The following MYO18B variants were observed in gnomAD, a reference collection of about 807,000 sequenced individuals.
MYO18B encodes the protein unconventional myosin-XVIIIb.
Under a neutral mutation model 273.0 loss-of-function variants are expected in MYO18B, and 204 were observed. That is an observed-to-expected ratio of 0.75 (90% CI 0.67 to 0.84). The LOEUF is 0.84. MYO18B is among the 40% of genes least tolerant of loss of function. The probability of loss-of-function intolerance (pLI) is 0.00; values close to 1 mark genes in which losing one functional copy is unlikely to be tolerated. For missense variants in MYO18B, 3,212 were observed against 3,287.6 expected, an observed-to-expected ratio of 0.98 and a Z score of 0.56; for synonymous variants, 1,330 against 1,305.7, an observed-to-expected ratio of 1.02 and a Z score of -0.40.
intron 34 of MYO18B, among the ~76,000 whole-genome samples, chr22:25,926,228 A>G (rs1371429883): frequency 6.6e-6 from 1 of 152,056 alleles, no homozygotes; most frequent in African/African-American, 2.4e-5. Context: ...AAAAAAAGAA[A>G]TTAGAACATG....
intron 34 of MYO18B, among the ~76,000 whole-genome samples, chr22:25,928,796 A>G (rs1430994511): frequency 6.6e-6 from 1 of 152,120 alleles, no homozygotes; most frequent in East Asian, 1.9e-4. Flanking sequence ...CGATAATCTC[A>G]GCTGATTGGG....
downstream of MYO18B, among the ~76,000 whole-genome samples, chr22:26,035,911 C>T (rs960112580): frequency 6.6e-6 from 1 of 152,220 alleles, no homozygotes; most frequent in Non-Finnish European, 1.5e-5. Flanking sequence ...GAGAAAGGAA[C>T]TCAGATAAGC....
chr22:25,789,752 C>T (rs1429271079), intron 11 of MYO18B, among the ~76,000 whole-genome samples: 4 of 152,162 alleles, frequency 2.6e-5, no homozygotes, highest in Non-Finnish European at 5.9e-5. Flanking sequence ...AAAACAAGCG[C>T]CATTCACCTC....
chr22:25,895,461 A>G, intron 28 of MYO18B, 181 bp downstream of exon 28: 2 of 670,938 alleles, frequency 3.0e-6, no homozygotes, highest in Admixed American at 3.0e-5. Flanking sequence ...CATGAAAAAT[A>G]TTGTCTGTAC....
rs116322411 is a variant in MYO18B at position 25,883,085 on chromosome 22, A to T, written c.4314+5037A>T. Among the ~76,000 whole-genome samples the T allele has an allele frequency of 0.01, 1,586 of 151,788 alleles. 28 individuals carry two copies. Among genetic ancestry groups the T allele is most frequent in the African/African-American group, 0.036 (1,497 of 41,372 alleles). ...CTGTTTTTTTTCAATTTTGGTAGAGATGGGGGTCTCACTTTGTTGCCCAGG... is the reference window on the plus strand; with the variant it reads ...CTGTTTTTTTTCAATTTTGGTAGAGTTGGGGGTCTCACTTTGTTGCCCAGG... On this transcript the variant is annotated intron_variant, in intron 25 of 43. Coordinates refer to ENST00000335473, the MANE Select transcript of MYO18B (RefSeq NM_032608.7). The surrounding 1 kb of genome is among the most constrained non-coding windows in gnomAD (Gnocchi z 7.6).
chr22:25,828,250 C>CT (rs1016402484), intron 14 of MYO18B, among the ~76,000 whole-genome samples: 3 of 152,118 alleles, frequency 2.0e-5, no homozygotes, highest in Admixed American at 2.0e-4. Context: ...CACATCCCCT[C>CT]TGTCACAGAG....
chr22:25,987,120 A>G (rs1420670039), intron 39 of MYO18B, among the ~76,000 whole-genome samples: 2 of 152,200 alleles, frequency 1.3e-5, no homozygotes, highest in Non-Finnish European at 2.9e-5. Flanking sequence ...AAGGTTTGAG[A>G]GGCAACCTCC....
chr22:26,025,202 C>G (rs2147008376), intron 42 of MYO18B, among the ~76,000 whole-genome samples: 1 of 152,304 alleles, frequency 6.6e-6, no homozygotes, highest in Admixed American at 6.5e-5. Context: ...TCTCCTACCC[C>G]AGCCATTCCC....
At chr22:25,956,357 G>A (rs1278914318) in intron 39 of MYO18B, among the ~76,000 whole-genome samples, 2 of 151,876 alleles carry the variant, frequency 1.3e-5, no homozygotes, top group East Asian at 3.9e-4. Flanking sequence ...CTGGGACTAC[G>A]GGCATGAGCC....
chr22:26,011,714 TGC>T (rs1158524324), intron 42 of MYO18B, among the ~76,000 whole-genome samples: 4 of 152,230 alleles, frequency 2.6e-5, no homozygotes, highest in Non-Finnish European at 1.5e-5. Context: ...AGTGATGCTG[TGC>T]TTTGAATTTA....
chr22:25,850,608 C>T (rs759562436), intron 20 of MYO18B, among the ~76,000 whole-genome samples: 10 of 152,108 alleles, frequency 6.6e-5, no homozygotes, highest in African/African-American at 9.7e-5. Flanking sequence ...GACAGTGTCT[C>T]GCTCTGTCAC....
At position 25,846,239 on chromosome 22, in the gene MYO18B, G is replaced by A. The variant is rs1011299030; in HGVS notation, c.3508G>A (p.Ala1170Thr). The A allele has an allele frequency of 5.6e-6, 9 of 1,612,254 alleles. No homozygotes were observed. The highest frequency in any genetic ancestry group is 5.9e-6 in the Non-Finnish European group (7 of 1,179,806). The change falls in exon 19 of 44, where the codon GCG becomes ACG. Residue 1170 changes from alanine (A) to threonine (T), a missense_variant. Coordinates refer to ENST00000335473, the MANE Select transcript of MYO18B (RefSeq NM_032608.7). ...VRRTFASSLA[A>T]VRRKAPCSQI... The stretch of plus-strand genomic sequence containing the variant: ...GAGGACCTTTGCCAGCAGCCTTGCC[G>A]CGGTGAGGAGGAAAGCCCCGTGCTC...
chr22:25,862,918 CTCT>C (rs2090779743), intron 21 of MYO18B, among the ~76,000 whole-genome samples: 1 of 151,778 alleles, frequency 6.6e-6, no homozygotes, highest in South Asian at 2.1e-4. Context: ...TGTCTTTCTC[CTCT>C]TCTTCTGAGA....
At chr22:25,784,720 G>A (rs146663866) in intron 10 of MYO18B, among the ~76,000 whole-genome samples, 102 of 152,290 alleles carry the variant, frequency 6.7e-4, no homozygotes, top group African/African-American at 2.4e-3. Flanking sequence ...GAAGGGGCAG[G>A]GGGCATAGCT....
intron 39 of MYO18B, among the ~76,000 whole-genome samples, chr22:25,956,969 C>A (rs754686430): frequency 6.6e-6 from 1 of 152,138 alleles, no homozygotes; most frequent in African/African-American, 2.4e-5. Flanking sequence ...AGTAAGGCAC[C>A]GCACAGAGAC....
intron 12 of MYO18B, among the ~76,000 whole-genome samples, chr22:25,817,230 TTCTCTCTTTC>T (rs1244576929): frequency 6.6e-6 from 1 of 151,798 alleles, no homozygotes; most frequent in Non-Finnish European, 1.5e-5. Flanking sequence ...CTTTCGTTCT[TTCTCTCTTTC>T]TCTCTCTTTC....
intron 39 of MYO18B, among the ~76,000 whole-genome samples, chr22:25,969,559 C>A (rs753057828): frequency 2.0e-5 from 3 of 152,116 alleles, no homozygotes; most frequent in Non-Finnish European, 4.4e-5. Flanking sequence ...GTGATAAGAC[C>A]ATTTGGCCTA....
intron 20 of MYO18B, among the ~76,000 whole-genome samples, chr22:25,847,999 T>C (rs192774261): frequency 1.2e-3 from 185 of 151,822 alleles, no homozygotes; most frequent in African/African-American, 4.3e-3. Context: ...GTACAGCACG[T>C]GCAGGTTTGT....
chr22:25,976,980 CTTTACAG>C (rs2093096900), intron 39 of MYO18B, among the ~76,000 whole-genome samples: 1 of 152,148 alleles, frequency 6.6e-6, no homozygotes, highest in Admixed American at 6.5e-5. Flanking sequence ...GCATTCAGCT[CTTTACAG>C]TTTACAAAGC....
Sources: gnomAD v4.1 joint callset for allele counts (sites outside exome capture counted in the v4.1 genomes callset) on GRCh38, gnomAD v4.1.1 for gene constraint, Gnocchi (gnomAD v3.1) non-coding constraint, MANE v1.5 for transcripts, NCBI Gene and HGNC (gene_info 2026-07-23, HGNC 2026-07-21) for gene names.